The following PIWIL4 variants were observed in gnomAD, a reference collection of about 807,000 sequenced individuals.
The protein encoded by PIWIL4 is piwi-like protein 4.
In PIWIL4, 50 loss-of-function variants were observed where a neutral mutation model predicts 100.9. The observed-to-expected ratio is 0.50, with a 90% confidence interval of 0.39 to 0.63. The LOEUF is 0.63. Among genes scored for constraint, PIWIL4 ranks in the 20% least tolerant of loss-of-function variants. PIWIL4 has a pLI of 0.00. For synonymous variants in PIWIL4, 342 were observed against 367.5 expected, an observed-to-expected ratio of 0.93 and a Z score of 0.79; for missense variants, 887 against 1,043.3, an observed-to-expected ratio of 0.85 and a Z score of 2.06.
In PIWIL4 at chr11:94,587,169, C is replaced by T; in HGVS notation, c.836C>T (p.Ala279Val). ...GAGACGGTTCTGGAATTCATGACTG[C>T]TCTCTGTCAAAGAACTGGCTTGTCC... ...RNETVLEFMTALCQRTGLSCF... is the reference protein window; with the variant it reads ...RNETVLEFMTVLCQRTGLSCF... Residue 279 changes from alanine to valine, a missense_variant, in exon 7 of 20, where the codon GCT (alanine) becomes GTT (valine). Ala to Val is a moderately conservative substitution (Grantham distance 64). Around this residue, in one of 2 missense-constraint regions of PIWIL4, gnomAD observed 741 missense variants for 930.0 expected, o/e 0.80. Transcript: ENST00000299001. The T allele has an allele frequency of 6.2e-7, 1 of 1,614,178 alleles. No homozygotes were observed. Among genetic ancestry groups the T allele is most frequent in the Non-Finnish European group, 8.5e-7 (1 of 1,180,030 alleles).
chr11:94,582,456 A>C (rs901190872), intron 4 of PIWIL4, among the ~76,000 whole-genome samples: 2 of 152,312 alleles, frequency 1.3e-5, no homozygotes, highest in South Asian at 2.1e-4. Context: ...CCTGCCTTAC[A>C]TTCTTGATGC....
chr11:94,612,127 A>G (rs1948793503), intron 15 of PIWIL4, among the ~76,000 whole-genome samples: 1 of 152,162 alleles, frequency 6.6e-6, no homozygotes. Context: ...AGGATGATCT[A>G]TCTGTTGTTA....
intron 13 of PIWIL4, among the ~76,000 whole-genome samples, chr11:94,605,832 A>G (rs1948709408): frequency 6.6e-6 from 1 of 152,092 alleles, no homozygotes; most frequent in Non-Finnish European, 1.5e-5. Flanking sequence ...TGCTCTTAAT[A>G]TTGTACCTGA....
rs1326711063 is a variant in PIWIL4, at chr11:94,593,610, C to T, written c.1119C>T (p.Ala373=). ...KRNDNSEAQL[A]HLIPELCFLT... is the part of the protein sequence containing the mutation. ...ATGACAACAGTGAGGCTCAGCTCGCCCACCTGATACCTGAGCTCTGCTTTC... is the reference window on the plus strand; with the variant it reads ...ATGACAACAGTGAGGCTCAGCTCGCTCACCTGATACCTGAGCTCTGCTTTC... Residue 373 remains alanine, a synonymous_variant, in exon 9 of 20, where the codon GCC becomes GCT. Coordinates refer to ENST00000299001, the MANE Select transcript of PIWIL4 (RefSeq NM_152431.3). 80 of 1,613,854 alleles carry T rather than the reference C, an allele frequency of 5.0e-5. No homozygotes were observed. The highest frequency in any genetic ancestry group is 6.6e-5 in the Non-Finnish European group (78 of 1,179,926).
intron 9 of PIWIL4, among the ~76,000 whole-genome samples, chr11:94,594,475 A>AG (rs1948529422): frequency 6.6e-6 from 1 of 151,540 alleles, no homozygotes; most frequent in East Asian, 1.9e-4. Context: ...CCAAAAAAAA[A>AG]GGAAAAGAAA....
intron 8 of PIWIL4, among the ~76,000 whole-genome samples, chr11:94,592,666 G>A (rs1295684501): frequency 1.3e-5 from 2 of 152,090 alleles, no homozygotes; most frequent in African/African-American, 4.8e-5. Context: ...CAATACCCAG[G>A]CATTTTGTAA....
In PIWIL4 at chr11:94,567,564, C is replaced by G; in HGVS notation, c.46C>G (p.Pro16Ala). 1 of 1,607,424 alleles carries G rather than the reference C, an allele frequency of 6.2e-7. No individual in the cohort carries two copies. The highest frequency in any genetic ancestry group is 1.1e-5 in the South Asian group (1 of 89,454). ...GAAGGCCAGAGGCATCGCCCGCAGC[C>G]CCAGTGCCACAGAAGTGGGGCGCAT... is the stretch of plus-strand genomic sequence containing the variant. Reference protein sequence around the residue: ...RVKARGIARSPSATEVGRIQA... With the variant: ...RVKARGIARSASATEVGRIQA... The change falls in exon 1 of 20, where the codon CCC becomes GCC. Residue 16 changes from proline (P) to alanine (A), a missense_variant. Physicochemically the swap from Pro to Ala is conservative, Grantham distance 27 (BLOSUM62 -1). Coordinates refer to ENST00000299001, the MANE Select transcript of PIWIL4 (RefSeq NM_152431.3).
intron 13 of PIWIL4, among the ~76,000 whole-genome samples, chr11:94,606,420 T>C (rs1948717675): frequency 6.6e-6 from 1 of 152,258 alleles, no homozygotes; most frequent in South Asian, 2.1e-4. Context: ...TTTGTTTTCT[T>C]CTGCTAATCA....
intron 16 of PIWIL4, among the ~76,000 whole-genome samples, chr11:94,616,814 G>A (rs1449630738): frequency 6.6e-6 from 1 of 152,188 alleles, no homozygotes; most frequent in Non-Finnish European, 1.5e-5. Context: ...GTGGCTGCTG[G>A]TTTCCCTGAC....
At chr11:94,572,128 T>A (rs1948163971) in intron 2 of PIWIL4, among the ~76,000 whole-genome samples, 2 of 152,242 alleles carry the variant, frequency 1.3e-5, no homozygotes, top group Non-Finnish European at 2.9e-5. Flanking sequence ...CACTTTTTGA[T>A]GGGGTTGTTT....
intron 3 of PIWIL4, 25 bp from the exon 4 acceptor site, chr11:94,577,253 A>T: frequency 6.5e-7 from 1 of 1,540,054 alleles, no homozygotes; most frequent in South Asian, 1.1e-5. Flanking sequence ...TGATTAAAAA[A>T]TTGTTTTTTG....
intron 19 of PIWIL4, 143 bp from the exon 20 acceptor site, chr11:94,620,733 C>CT: frequency 1.7e-6 from 1 of 595,530 alleles, no homozygotes; most frequent in Non-Finnish European, 2.9e-6. Context: ...GTTAGGTTAC[C>CT]TTTTGTTGGT....
intron 10 of PIWIL4, 45 bp from the exon 11 acceptor site, chr11:94,597,759 A>T: frequency 7.3e-7 from 1 of 1,361,498 alleles, no homozygotes; most frequent in Non-Finnish European, 1.0e-6. Context: ...TCAGTAAGTT[A>T]TAATTATATC....
chr11:94,616,032 T>C (rs1948842193), intron 15 of PIWIL4, among the ~76,000 whole-genome samples: 1 of 152,282 alleles, frequency 6.6e-6, no homozygotes, highest in East Asian at 1.9e-4. Flanking sequence ...GTAGAAGCTC[T>C]ATTGCTAAAT....
intron 8 of PIWIL4, 110 bp from the exon 9 acceptor site, chr11:94,593,408 G>C (rs1477134356): frequency 9.1e-7 from 1 of 1,099,888 alleles, no homozygotes; most frequent in Non-Finnish European, 1.3e-6. Flanking sequence ...CTATGGGATT[G>C]GTTAGATTTA....
rs1355721150 is a variant in PIWIL4, at chr11:94,603,990, A to C, written c.1572A>C (p.Lys524Asn). 5.4e-5 allele frequency: 86 copies of C among 1,600,436 alleles called. No individual in the cohort carries two copies. The highest frequency in any genetic ancestry group is 7.2e-5 in the Non-Finnish European group (84 of 1,170,838). ...GFNVDYPKIIKVQENPAAFVR... is the reference protein window; with the variant it reads ...GFNVDYPKIINVQENPAAFVR... ...AATTAATCTTTTTATGTAGCATAAA[A>C]GTACAAGAAAATCCAGCTGCATTTG... Residue 524 changes from lysine to asparagine, a missense_variant, in exon 13 of 20, where the codon AAA becomes AAC. Physicochemically the swap from Lys to Asn is moderately conservative, Grantham distance 94. Coordinates refer to ENST00000299001, the MANE Select transcript of PIWIL4 (RefSeq NM_152431.3).
intron 11 of PIWIL4, among the ~76,000 whole-genome samples, chr11:94,600,653 G>A (rs986249670): frequency 2.6e-5 from 4 of 152,004 alleles, no homozygotes; most frequent in East Asian, 1.9e-4. Flanking sequence ...GAGAGCAACC[G>A]GTCTGACCAA....
At chr11:94,578,303 G>A (rs565573329) in intron 4 of PIWIL4, among the ~76,000 whole-genome samples, 7 of 152,210 alleles carry the variant, frequency 4.6e-5, no homozygotes, top group African/African-American at 1.4e-4. Flanking sequence ...ATCTGCAGCC[G>A]ATCTGAATGC....
intron 3 of PIWIL4, among the ~76,000 whole-genome samples, chr11:94,575,411 A>G (rs1948224040): frequency 6.6e-6 from 1 of 152,238 alleles, no homozygotes; most frequent in Non-Finnish European, 1.5e-5. Context: ...CTCTTTCCCA[A>G]CATGGGAAGT....
Sources: allele counts gnomAD v4.1 joint callset (sites outside exome capture counted in the v4.1 genomes callset), GRCh38; gene constraint gnomAD v4.1.1; regional missense constraint gnomAD v4.1.1; transcripts MANE v1.5; gene names NCBI Gene and HGNC (gene_info 2026-07-23, HGNC 2026-07-21).